Variants in PKNOX2 observed in about 807,000 individuals in gnomAD.
PKNOX2 encodes the protein PBX/knotted 1 homeobox 2.
Under a neutral mutation model 53.1 loss-of-function variants are expected in PKNOX2, and 14 were observed. That is an observed-to-expected ratio of 0.26 (90% CI 0.17 to 0.41). The LOEUF (loss-of-function observed/expected upper bound fraction) is 0.41. Among genes scored for constraint, PKNOX2 ranks in the 10% least tolerant of loss-of-function variants. PKNOX2 has a pLI of 1.00. For synonymous variants in PKNOX2, 257 were observed against 242.8 expected (o/e 1.06, Z -0.54); for missense variants, 496 against 602.8 (o/e 0.82, Z 1.85).
At chr11:125,293,608 C>T (rs1302948562) in intron 2 of PKNOX2, among the ~76,000 whole-genome samples, 1 of 152,228 alleles carries the variant, frequency 6.6e-6, no homozygotes, top group Non-Finnish European at 1.5e-5. Flanking sequence ...TTACTTGAGA[C>T]TTTCCAGAAG....
intron 10 of PKNOX2, among the ~76,000 whole-genome samples, chr11:125,415,381 A>G (rs1238822038): frequency 6.6e-6 from 1 of 151,762 alleles, no homozygotes; most frequent in Non-Finnish European, 1.5e-5. Context: ...TTCCCATGTA[A>G]CTGGGATTAC....
chr11:125,192,374 G>T (rs908607144), intron 1 of PKNOX2, among the ~76,000 whole-genome samples: 4 of 152,158 alleles, frequency 2.6e-5, no homozygotes, highest in Non-Finnish European at 5.9e-5. Context: ...GGAAGATAAG[G>T]GCAAATTAAG....
chr11:125,367,441 G>A (rs1952247678), intron 4 of PKNOX2, among the ~76,000 whole-genome samples: 1 of 152,172 alleles, frequency 6.6e-6, no homozygotes, highest in African/African-American at 2.4e-5. Flanking sequence ...AACGACAGCT[G>A]ATTCAGCTCC....
chr11:125,408,563 T>C (rs1955262380), intron 7 of PKNOX2, among the ~76,000 whole-genome samples: 1 of 152,144 alleles, frequency 6.6e-6, no homozygotes, highest in Admixed American at 6.5e-5. Flanking sequence ...TTATAGGAAA[T>C]ACTCCTCCAG....
At chr11:125,359,177 G>C (rs576543863) in intron 4 of PKNOX2, among the ~76,000 whole-genome samples, 1 of 142,236 alleles carries the variant, frequency 7.0e-6, no homozygotes, top group East Asian at 2.2e-4. Flanking sequence ...AGGCAACCAA[G>C]GGTAGGTGTG....
chr11:125,328,061 A>G (rs1328447355), intron 2 of PKNOX2, among the ~76,000 whole-genome samples: 1 of 152,180 alleles, frequency 6.6e-6, no homozygotes, highest in Admixed American at 6.5e-5. Flanking sequence ...CAAGGAACAC[A>G]TGGCTATGGC....
At chr11:125,236,455 C>T (rs1025495237) in intron 2 of PKNOX2, among the ~76,000 whole-genome samples, 8 of 152,216 alleles carry the variant, frequency 5.3e-5, no homozygotes, top group African/African-American at 1.9e-4. Context: ...CTCCTCGCAT[C>T]GGAGGTTAGA....
intron 10 of PKNOX2, among the ~76,000 whole-genome samples, chr11:125,419,259 T>C (rs1956043715): frequency 6.6e-6 from 1 of 151,834 alleles, no homozygotes; most frequent in African/African-American, 2.4e-5. Context: ...ATCCAGCTCA[T>C]AGGTTGTTGT....
chr11:125,173,796 G>A (rs778293938), intron 1 of PKNOX2, among the ~76,000 whole-genome samples: 5 of 152,272 alleles, frequency 3.3e-5, no homozygotes, highest in East Asian at 1.9e-4. Context: ...GAATTCCCTC[G>A]GGGGCTCGTG....
intron 2 of PKNOX2, among the ~76,000 whole-genome samples, chr11:125,314,246 G>A (rs1034709996): frequency 6.6e-6 from 1 of 152,104 alleles, no homozygotes; most frequent in Non-Finnish European, 1.5e-5. Flanking sequence ...GCACCTGGGG[G>A]ATTTCAGTGA....
chr11:125,283,329 G>A (rs766539464), intron 2 of PKNOX2, among the ~76,000 whole-genome samples: 1 of 152,176 alleles, frequency 6.6e-6, no homozygotes, highest in Non-Finnish European at 1.5e-5. Context: ...CTCAAGAATG[G>A]AGGTTGGGGT....
chr11:125,391,495 T>C (rs1182634509), intron 6 of PKNOX2, among the ~76,000 whole-genome samples: 4 of 152,228 alleles, frequency 2.6e-5, no homozygotes, highest in African/African-American at 7.2e-5. Flanking sequence ...CACATTTGCA[T>C]ACATGATCTT....
chr11:125,194,872 C>G (rs1000162145), intron 1 of PKNOX2, among the ~76,000 whole-genome samples: 6 of 152,170 alleles, frequency 3.9e-5, no homozygotes, highest in Non-Finnish European at 8.8e-5. Flanking sequence ...ACCACAAACC[C>G]TCCAGATAAT....
rs2135144904 is a variant in PKNOX2, at chr11:125,165,137, G to A, written c.-201+361G>A. ...GGCCGCCCGCTCCCCTGCCCGGCCAGCGCTCAGCCCCGCCGCCGCCGCCGC... is the reference window on the plus strand; with the variant it reads ...GGCCGCCCGCTCCCCTGCCCGGCCAACGCTCAGCCCCGCCGCCGCCGCCGC... On this transcript the variant is annotated intron_variant, in intron 1 of 12. Coordinates refer to ENST00000298282, the MANE Select transcript of PKNOX2 (RefSeq NM_001382323.2). This position sits in a 1 kb window ranked among gnomAD's most constrained non-coding sequence, Gnocchi z 4.5. Among the ~76,000 whole-genome samples, 1 of 148,408 alleles carries A rather than the reference G, an allele frequency of 6.7e-6. No individual in the cohort carries two copies. Among genetic ancestry groups the A allele is most frequent in the East Asian group, 2.0e-4 (1 of 5,076 alleles).
At chr11:125,398,087 C>T (rs376756531) in intron 7 of PKNOX2, 25 bp downstream of exon 7, 1 of 1,588,816 alleles carries the variant, frequency 6.3e-7, no homozygotes, top group East Asian at 2.2e-5. Context: ...TGGGTCCCAT[C>T]TCTTAAGCCA....
intron 2 of PKNOX2, among the ~76,000 whole-genome samples, chr11:125,298,480 T>C (rs957249540): frequency 6.6e-6 from 1 of 152,152 alleles, no homozygotes; most frequent in Non-Finnish European, 1.5e-5. Context: ...AAAACTGGAC[T>C]GAGCTCCAAA....
chr11:125,342,315 G>C (rs1950731522), intron 3 of PKNOX2, among the ~76,000 whole-genome samples: 1 of 152,152 alleles, frequency 6.6e-6, no homozygotes, highest in African/African-American at 2.4e-5. Context: ...TGCACCAGAG[G>C]TGGAATGCGT....
intron 2 of PKNOX2, among the ~76,000 whole-genome samples, chr11:125,242,104 T>G (rs60549425): frequency 0.061 from 9,202 of 152,044 alleles, 944 homozygotes; most frequent in African/African-American, 0.21. Context: ...ACAAGATGAG[T>G]AGGGGCACTT....
Position 125,173,489 on chromosome 11 carries a change from T to G in PKNOX2, c.-201+8713T>G, listed in dbSNP as rs946899948. 1.2e-4 allele frequency among the ~76,000 whole-genome samples: 18 copies of G among 152,220 alleles called. 1 individual carries two copies. The highest frequency in any genetic ancestry group is 3.4e-4 in the African/African-American group (14 of 41,444). On this transcript the variant is annotated intron_variant, in intron 1 of 12. Transcript: ENST00000298282. ...GAGACAACACAAGCCATTCCTGAGC[T>G]CTACCTAGTCCTCTCCCAAGATCTT...
Sources: gnomAD v4.1 joint callset for allele counts (sites outside exome capture counted in the v4.1 genomes callset) on GRCh38, gnomAD v4.1.1 for gene constraint, Gnocchi (gnomAD v3.1) non-coding constraint, MANE v1.5 for transcripts, NCBI Gene and HGNC (gene_info 2026-07-23, HGNC 2026-07-21) for gene names.